POLE: variants seen among roughly 807,000 people sequenced by gnomAD.
POLE encodes DNA polymerase epsilon, catalytic subunit.
Under a neutral mutation model 279.2 loss-of-function variants are expected in POLE, and 188 were observed. The observed-to-expected ratio is 0.67, with a 90% CI of 0.60 to 0.76. The LOEUF is 0.76. POLE is among the 30% of genes least tolerant of loss of function. The pLI is 0.00. For missense variants in POLE, 2,703 were observed against 3,016.7 expected, an observed-to-expected ratio of 0.90 and a Z score of 2.44; for synonymous variants, 1,214 against 1,172.5, an observed-to-expected ratio of 1.04 and a Z score of -0.72.
rs74621776 is a variant in POLE at position 132,639,535 on chromosome 12, G to A, written c.5379-237C>T. Among the ~76,000 whole-genome samples the A allele has an allele frequency of 2.0e-5, 1 of 49,946 alleles. No homozygotes were observed. Among genetic ancestry groups the A allele is most frequent in the Non-Finnish European group, 3.5e-5 (1 of 28,636 alleles). 32.8% of individuals were successfully genotyped at this position (49,946 alleles called of 152,430 possible). On this transcript the variant is annotated intron_variant, in intron 39 of 48. Coordinates refer to ENST00000320574, the MANE Select transcript of POLE (RefSeq NM_006231.4). This position sits in a 1 kb window ranked among gnomAD's most constrained non-coding sequence, Gnocchi z 4.7. ...TCCTTAAACTTGTTCAGGCTTCACC[G>A]CATCCCAAACTCTGTGTGTTCTAAA...
chr12:132,670,066 A>G (rs970502509), intron 16 of POLE, among the ~76,000 whole-genome samples: 2 of 152,020 alleles, frequency 1.3e-5, no homozygotes, highest in African/African-American at 2.4e-5. Flanking sequence ...ACTGTTTCTT[A>G]AAGACTTTAA....
At chr12:132,667,027 T>C (rs1200723093) in intron 20 of POLE, among the ~76,000 whole-genome samples, 1 of 152,096 alleles carries the variant, frequency 6.6e-6, no homozygotes, top group Non-Finnish European at 1.5e-5. Flanking sequence ...TAATGACCCG[T>C]TGGTATCAAA....
Position 132,687,265 on chromosome 12 carries a change from G to T in POLE, c.51C>A (p.Gly17=). The T allele has an allele frequency of 6.7e-7, 1 of 1,497,358 alleles. No individual in the cohort carries two copies. Among genetic ancestry groups the T allele is most frequent in the Non-Finnish European group, 8.9e-7 (1 of 1,125,662 alleles). The allele number at this position is 1,497,358 out of a possible 1,614,324, so 92.8% of individuals were successfully genotyped here. Residue 17 remains glycine, a synonymous_variant, in exon 1 of 49, where the codon GGC becomes GGA. Coordinates refer to ENST00000320574, the MANE Select transcript of POLE (RefSeq NM_006231.4). The part of the protein sequence containing the change: ...GRRRADPGAD[G]EASRDDGATS... ...AGGGCGCCCCTCACCTGCTGGCCTCGCCATCCGCGCCTGGGTCCGCGCGCC... is the reference window on the plus strand; with the variant it reads ...AGGGCGCCCCTCACCTGCTGGCCTCTCCATCCGCGCCTGGGTCCGCGCGCC...
intron 40 of POLE, chr12:132,638,822 T>C: frequency 2.8e-6 from 1 of 362,438 alleles, no homozygotes; most frequent in South Asian, 3.8e-5. Context: ...CACACAGATC[T>C]CCTGACACAG....
chr12:132,681,956 G>A (rs1319767570), intron 1 of POLE, among the ~76,000 whole-genome samples: 9 of 152,184 alleles, frequency 5.9e-5, no homozygotes, highest in East Asian at 1.9e-4. Context: ...AGGCCAAGGC[G>A]GGTGGATCAC....
At position 132,675,931 on chromosome 12, in the gene POLE, C is replaced by T. The variant is rs2043040308; in HGVS notation, c.1021-111G>A. 1.1e-5 allele frequency: 11 copies of T among 978,958 alleles called. No individual in the cohort carries two copies. The highest frequency in any genetic ancestry group is 1.8e-5 in the Non-Finnish European group (11 of 626,794). 60.6% of individuals were successfully genotyped at this position (978,958 alleles called of 1,614,324 possible). ...AGCCTCATGTTGGCCCTTATTCCTG[C>T]CCCGCCCCTCCGCCCGTCTCTGGCA... On this transcript the variant is annotated intron_variant, in intron 10 of 48. Coordinates refer to ENST00000320574, the MANE Select transcript of POLE (RefSeq NM_006231.4). The surrounding 1 kb of genome is among the most constrained non-coding windows in gnomAD (Gnocchi z 4.3).
rs557167678 is a variant in POLE at position 132,638,132 on chromosome 12, C to A, written c.5560G>T (p.Ala1854Ser). The A allele has an allele frequency of 3.1e-6, 5 of 1,613,378 alleles. No individual in the cohort carries two copies. The East Asian group carries it at 1.1e-4, about 36-fold the overall frequency. Residue 1854 changes from alanine to serine, a missense_variant, in exon 41 of 49, where the codon GCT (alanine) becomes TCT (serine). Coordinates refer to ENST00000320574, the MANE Select transcript of POLE (RefSeq NM_006231.4). ...MMKKLFLQLI[A>S]EFKRLGSSVI... ...GATGACCCCAGGCGCTTGAACTCAGCGATGAGCCTGTGGAGCAAGTTGAGA... is the reference window on the plus strand; with the variant it reads ...GATGACCCCAGGCGCTTGAACTCAGAGATGAGCCTGTGGAGCAAGTTGAGA...
At chr12:132,641,943 A>G in intron 38 of POLE, 92 bp from the exon 39 acceptor site, 2 of 1,253,580 alleles carry the variant, frequency 1.6e-6, no homozygotes, top group South Asian at 2.5e-5. Context: ...CCACCTCCAG[A>G]ACCAGCAACA....
At chr12:132,685,331 A>G (rs1468293082) in intron 1 of POLE, among the ~76,000 whole-genome samples, 4 of 148,458 alleles carry the variant, frequency 2.7e-5, no homozygotes, top group Non-Finnish European at 3.0e-5. Context: ...TCTCATTCAC[A>G]GAGAGCTACC....
intron 39 of POLE, chr12:132,641,235 C>T (rs938444464): frequency 1.1e-5 from 4 of 374,638 alleles, no homozygotes; most frequent in South Asian, 2.0e-5. Flanking sequence ...CCATGCTCTC[C>T]GCAGACTGAT....
In POLE at chr12:132,639,277, C is replaced by G; in HGVS notation, c.5400G>C (p.Val1800=). 1.9e-6 allele frequency: 3 copies of G among 1,614,064 alleles called. No homozygotes were observed. Among genetic ancestry groups the G allele is most frequent in the Non-Finnish European group, 2.5e-6 (3 of 1,180,010 alleles). Residue 1800 remains valine (V), a synonymous_variant, in exon 40 of 49, where the codon GTG becomes GTC. Coordinates refer to ENST00000320574, the MANE Select transcript of POLE (RefSeq NM_006231.4). This position sits in a 1 kb window ranked among gnomAD's most constrained non-coding sequence, Gnocchi z 4.7. ...NTFRILKSMV[V]GWVKEITQYH... is the part of the protein sequence containing the mutation. ...ACTGGGTGATCTCCTTCACCCAGCCCACGACCATGCTCTTCAGGATCCTGA... is the reference window on the plus strand; with the variant it reads ...ACTGGGTGATCTCCTTCACCCAGCCGACGACCATGCTCTTCAGGATCCTGA...
At chr12:132,641,961 C>T in intron 38 of POLE, 110 bp from the exon 39 acceptor site, 4 of 1,066,350 alleles carry the variant, frequency 3.8e-6, no homozygotes, top group Non-Finnish European at 5.5e-6. Flanking sequence ...ACAGACCTGC[C>T]CACACCCATC....
rs1159267306 is a variant in POLE at position 132,643,633 on chromosome 12, C to T, written c.4291-73G>A. 7.5e-6 allele frequency: 12 copies of T among 1,594,572 alleles called. No individual in the cohort carries two copies. In the African/African-American group the frequency reaches 8.0e-5, roughly 11 times the overall value. ...TCTGGCTGCCCACGTGACTTCTGCC[C>T]GGGATGTGGCTGTGCCCCTGCAGCT... On this transcript the variant is annotated intron_variant, in intron 33 of 48. Transcript: ENST00000320574.
Position 132,664,175 on chromosome 12 carries a change from G to A in POLE, c.2562-27C>T, listed in dbSNP as rs200887843. 15 of 1,611,884 alleles carry A rather than the reference G, an allele frequency of 9.3e-6. No homozygotes were observed. Among genetic ancestry groups the A allele is most frequent in the African/African-American group, 6.7e-5 (5 of 75,008 alleles). On this transcript the variant is annotated intron_variant, in intron 22 of 48. Transcript: ENST00000320574. The surrounding 1 kb of genome is among the most constrained non-coding windows in gnomAD (Gnocchi z 5.3). ...TTCAGAGAAAGAGAGGAGCAAGGTC[G>A]TGAGTTCCCCTTTCCTTTTCACCCA... is the stretch of plus-strand genomic sequence containing the variant.
At chr12:132,625,579 C>T in intron 47 of POLE, 66 bp downstream of exon 47, 1 of 1,591,766 alleles carries the variant, frequency 6.3e-7, no homozygotes, top group Non-Finnish European at 8.5e-7. Context: ...ACCCCGGCTC[C>T]CGGGAGTGCA....
At chr12:132,657,068 G>A (rs1050996647) in intron 29 of POLE, 68 bp downstream of exon 29, 19 of 1,538,968 alleles carry the variant, frequency 1.2e-5, no homozygotes, top group African/African-American at 4.1e-5. Context: ...ACACAGCAGC[G>A]CAAGAAGCCT....
In POLE at chr12:132,626,142, A is replaced by G. The variant is rs2138430551; in HGVS notation, c.6506T>C (p.Leu2169Pro). The G allele has an allele frequency of 6.2e-7, 1 of 1,606,368 alleles. No individual in the cohort carries two copies. The highest frequency in any genetic ancestry group is 8.5e-7 in the Non-Finnish European group (1 of 1,176,430). Reference protein sequence around the residue: ...RSCNFCRDLDLCKDSSFSEDG... With the variant: ...RSCNFCRDLDPCKDSSFSEDG... ...CTCTGAGAAGGAAGAGTCTTTACAC[A>G]GGTCCAGGTCGCGGCAGAAGTTACA... Residue 2169 changes from leucine to proline, a missense_variant, in exon 46 of 49, where the codon CTG (leucine) becomes CCG (proline). Leu to Pro is a moderately conservative substitution (Grantham distance 98). Transcript: ENST00000320574.
At chr12:132,679,155 C>T (rs1323180464) in intron 6 of POLE, among the ~76,000 whole-genome samples, 2 of 152,172 alleles carry the variant, frequency 1.3e-5, no homozygotes, top group African/African-American at 4.8e-5. Flanking sequence ...TGGAGATGTG[C>T]TGTGTAAATC....
chr12:132,686,351 G>A (rs960716297), intron 1 of POLE, among the ~76,000 whole-genome samples: 4 of 151,928 alleles, frequency 2.6e-5, no homozygotes, highest in Admixed American at 2.6e-4. Context: ...TTGACCTGCC[G>A]GGCTCAGGTG....
Sources: gnomAD v4.1 joint callset for allele counts (sites outside exome capture counted in the v4.1 genomes callset) on GRCh38, gnomAD v4.1.1 for gene constraint, Gnocchi (gnomAD v3.1) non-coding constraint, MANE v1.5 for transcripts, NCBI Gene and HGNC (gene_info 2026-07-23, HGNC 2026-07-21) for gene names.